The following PCDHA2 variants were observed in gnomAD, a reference collection of about 807,000 sequenced individuals.
PCDHA2 encodes protocadherin alpha 2.
In PCDHA2, 58 loss-of-function variants were observed where a neutral mutation model predicts 66.0. That is an observed-to-expected ratio of 0.88 (90% CI 0.71 to 1.09). The LOEUF is 1.09. Ranked by LOEUF, PCDHA2 falls within the 50% of genes least tolerant of loss-of-function variation. The probability of loss-of-function intolerance (pLI) is 0.00; values close to 1 mark genes in which losing one functional copy is unlikely to be tolerated. For missense variants in PCDHA2, 1,267 were observed against 1,242.3 expected (o/e 1.02, Z -0.30); for synonymous variants, 634 against 554.0 (o/e 1.14, Z -2.03).
intron 1 of PCDHA2, among the ~76,000 whole-genome samples, chr5:140,935,464 G>A (rs2090388076): frequency 6.6e-6 from 1 of 152,146 alleles, no homozygotes; most frequent in Admixed American, 6.5e-5. Context: ...AGCAGTTTAA[G>A]TTTTTGTCAT....
intron 1 of PCDHA2, among the ~76,000 whole-genome samples, chr5:140,819,962 T>C (rs1216452666): frequency 1.3e-5 from 2 of 152,052 alleles, no homozygotes; most frequent in Non-Finnish European, 2.9e-5. Context: ...TATTTACTTT[T>C]TTCAAAGGTT....
rs200493520 is a variant in PCDHA2 at position 140,928,140 on chromosome 5, G to T, written c.2389-50809G>T. ...TCAGTGAATACCAAGTCCTGATCAC[G>T]GCCTCAGATAGTGGCTCACCCCCAC... On this transcript the variant is annotated intron_variant, in intron 1 of 3. Transcript: ENST00000526136. The T allele has an allele frequency of 2.5e-6, 4 of 1,614,154 alleles. No homozygotes were observed. In the East Asian group the frequency reaches 6.7e-5, roughly 27 times the overall value.
chr5:140,842,111 C>T, intron 1 of PCDHA2: 1 of 1,613,876 alleles, frequency 6.2e-7, no homozygotes, highest in Non-Finnish European at 8.5e-7. Context: ...AGTTATCAAA[C>T]TGAATGCTTC....
chr5:140,803,498 C>A (rs1390487927), intron 1 of PCDHA2: 2 of 1,614,076 alleles, frequency 1.2e-6, no homozygotes, highest in Admixed American at 3.3e-5. Context: ...TGCCCAAGAC[C>A]GACCTCATGG....
At chr5:140,870,633 C>A in intron 1 of PCDHA2, 2 of 1,612,872 alleles carry the variant, frequency 1.2e-6, no homozygotes, top group Middle Eastern at 1.8e-4. Context: ...TGTCGGTGCA[C>A]GCGGAGAGCG....
At chr5:141,000,377 C>G (rs1213637729) in intron 3 of PCDHA2, among the ~76,000 whole-genome samples, 1 of 58,954 alleles carries the variant, frequency 1.7e-5, no homozygotes, top group South Asian at 5.5e-4. Flanking sequence ...CTCTCTCTCT[C>G]TCTCTCTCTC....
rs2150258663 is a variant in PCDHA2 at position 140,836,358 on chromosome 5, C to G, written c.2388+39006C>G. On this transcript the variant is annotated intron_variant, in intron 1 of 3. Coordinates refer to ENST00000526136, the MANE Select transcript of PCDHA2 (RefSeq NM_018905.3). ...TGTGAAGGACCACGGGGAGCCCTCGCTGACAGCCACAGCCACCGTGCTGGT... is the reference window on the plus strand; with the variant it reads ...TGTGAAGGACCACGGGGAGCCCTCGGTGACAGCCACAGCCACCGTGCTGGT... The G allele has an allele frequency of 3.9e-5, 63 of 1,613,690 alleles. No individual in the cohort carries two copies. The highest frequency in any genetic ancestry group is 3.3e-4 in the Middle Eastern group (2 of 6,062).
chr5:140,869,344 A>C (rs540952410), intron 1 of PCDHA2: 1 of 1,613,872 alleles, frequency 6.2e-7, no homozygotes, highest in Non-Finnish European at 8.5e-7. Flanking sequence ...AAATCTGCAG[A>C]ATGGCATTTT....
intron 1 of PCDHA2, chr5:140,801,001 A>G (rs1762624622): frequency 2.1e-6 from 3 of 1,406,678 alleles, no homozygotes; most frequent in Non-Finnish European, 2.8e-6. Context: ...ACGTTTAGCC[A>G]CATGATGTCG....
intron 3 of PCDHA2, among the ~76,000 whole-genome samples, chr5:141,003,593 G>A (rs1291518572): frequency 6.6e-6 from 1 of 152,140 alleles, no homozygotes; most frequent in African/African-American, 2.4e-5. Flanking sequence ...GATTTTAGAT[G>A]TGAGCCACCA....
At chr5:140,873,085 C>G (rs1554166557) in intron 1 of PCDHA2, among the ~76,000 whole-genome samples, 2 of 152,098 alleles carry the variant, frequency 1.3e-5, no homozygotes, top group Non-Finnish European at 2.9e-5. Flanking sequence ...TATTTCCCCC[C>G]CGTATAGAGG....
rs1554166675 is a variant in PCDHA2 at position 140,873,309 on chromosome 5, T to C, written c.2388+75957T>C. ...TGAAACTTTATAAATATAATAAAGG[T>C]GAATATTAGATAGGGCATACATTAC... On this transcript the variant is annotated intron_variant, in intron 1 of 3. Transcript: ENST00000526136. Among the ~76,000 whole-genome samples, 4 of 152,264 alleles carry C rather than the reference T, an allele frequency of 2.6e-5. No individual in the cohort carries two copies. The East Asian group carries it at 5.8e-4, about 22-fold the overall frequency.
intron 3 of PCDHA2, among the ~76,000 whole-genome samples, chr5:140,986,619 C>T (rs1212565136): frequency 6.6e-6 from 1 of 152,134 alleles, no homozygotes; most frequent in Non-Finnish European, 1.5e-5. Flanking sequence ...CAGGCCTTAC[C>T]TAAGGCAACA....
intron 3 of PCDHA2, among the ~76,000 whole-genome samples, chr5:141,002,788 A>G (rs1013908430): frequency 6.6e-6 from 1 of 152,192 alleles, no homozygotes; most frequent in Admixed American, 6.5e-5. Context: ...TCTCCATTTT[A>G]TGGATGAGGA....
rs1554120354 is a variant in PCDHA2, at chr5:140,797,235, G to A, written c.2271G>A (p.Arg757=). Residue 757 remains arginine, a synonymous_variant, in exon 1 of 4, where the codon AGG becomes AGA. Coordinates refer to ENST00000526136, the MANE Select transcript of PCDHA2 (RefSeq NM_018905.3). ...CTTACTCGCAGCAGAGGCGGCAGAG[G>A]GTGTGCTCTGGGGAGGACCCCCCCA... is the stretch of plus-strand genomic sequence containing the variant. ...SWSYSQQRRQ[R]VCSGEDPPKT... 6.2e-7 allele frequency: 1 copy of A among 1,614,188 alleles called. No homozygotes were observed. The highest frequency in any genetic ancestry group is 1.7e-5 in the Admixed American group (1 of 60,034).
chr5:140,814,252 A>G (rs1554126453), intron 1 of PCDHA2: 1 of 152,422 alleles, frequency 6.6e-6, no homozygotes, highest in African/African-American at 2.4e-5. Flanking sequence ...ATGAAGATAT[A>G]AACACCCATA....
At chr5:140,858,847 CTA>C (rs1554152061) in intron 1 of PCDHA2, 1 of 294,410 alleles carries the variant, frequency 3.4e-6, no homozygotes, top group African/African-American at 2.3e-5. Context: ...TTCCACTGAT[CTA>C]TATCTCTTCA....
intron 1 of PCDHA2, among the ~76,000 whole-genome samples, chr5:140,886,744 TG>T (rs2061111877): frequency 6.6e-6 from 1 of 150,996 alleles, no homozygotes. Flanking sequence ...GAGAATTGCT[TG>T]AACCCGGGAG....
In PCDHA2 at chr5:140,856,020, G is replaced by C. The variant is rs782082828; in HGVS notation, c.2388+58668G>C. 111 of 1,553,262 alleles carry C rather than the reference G, an allele frequency of 7.1e-5. 11 individuals are homozygous for C. Among genetic ancestry groups the C allele is most frequent in the Non-Finnish European group, 9.5e-5 (109 of 1,143,834 alleles). ...TATGTGCGTTCTAGACCGCTGATTC[G>C]TCGATTTGTAAAACAAGAGAAGGAT... On this transcript the variant is annotated intron_variant, in intron 1 of 3. Coordinates refer to ENST00000526136, the MANE Select transcript of PCDHA2 (RefSeq NM_018905.3).
Sources: gnomAD v4.1 joint callset for allele counts (sites outside exome capture counted in the v4.1 genomes callset) on GRCh38, gnomAD v4.1.1 for gene constraint, MANE v1.5 for transcripts, NCBI Gene and HGNC (gene_info 2026-07-23, HGNC 2026-07-21) for gene names.